The following ZBTB49 variants were observed in gnomAD, a reference collection of about 807,000 sequenced individuals.
The protein encoded by ZBTB49 is zinc finger and BTB domain-containing protein 49.
ZBTB49 carries 43 observed loss-of-function variants against 57.5 expected under a neutral mutation model. The ratio of observed to expected loss-of-function variants is 0.75; its 90% CI spans 0.59 to 0.97. The LOEUF is 0.97. ZBTB49 is among the 50% of genes least tolerant of loss of function. The pLI is 0.00. For missense variants in ZBTB49, 938 were observed against 947.7 expected (o/e 0.99, Z 0.13); for synonymous variants, 369 against 362.1 (o/e 1.02, Z -0.22).
chr4:4,320,696 G>A lies in ZBTB49; in HGVS notation c.1678G>A (p.Glu560Lys). Residue 560 changes from glutamate to lysine, a missense_variant, in exon 8 of 8, where the codon GAG (glutamate) becomes AAG (lysine). Coordinates refer to ENST00000337872, the MANE Select transcript of ZBTB49 (RefSeq NM_145291.4). Reference protein sequence around the residue: ...LRRHVRTHTGEKPYTCEICNK... With the variant: ...LRRHVRTHTGKKPYTCEICNK... ...CAGGCATGTCCGCACTCACACTGGG[G>A]AGAAGCCGTACACATGTGAGATCTG... 4 of 1,614,212 alleles carry A rather than the reference G, an allele frequency of 2.5e-6. No individual in the cohort carries two copies. The highest frequency in any genetic ancestry group is 3.4e-6 in the Non-Finnish European group (4 of 1,180,038).
Position 4,321,351 on chromosome 4 carries a change from C to G in ZBTB49, c.*35C>G, listed in dbSNP as rs200516989. ...CTTCTCCACGGTAGAGGCGTGTTCT[C>G]AGTTTAGCAGGCTGGTGTTAAGGCT... On this transcript the variant is annotated 3_prime_UTR_variant, in exon 8 of 8. Transcript: ENST00000337872. The G allele has an allele frequency of 1.3e-6, 2 of 1,594,890 alleles. No homozygotes were observed. The highest frequency in any genetic ancestry group is 1.7e-6 in the Non-Finnish European group (2 of 1,175,870).
intron 4 of ZBTB49, among the ~76,000 whole-genome samples, chr4:4,311,418 AT>A (rs1327304015): frequency 6.6e-6 from 1 of 152,214 alleles, no homozygotes; most frequent in Non-Finnish European, 1.5e-5. Flanking sequence ...CTGGTGTATT[AT>A]TTTTAACTCT....
In ZBTB49 at chr4:4,321,363, C is replaced by G; in HGVS notation, c.*47C>G. Reference sequence around the variant, plus strand: ...AGAGGCGTGTTCTCAGTTTAGCAGGCTGGTGTTAAGGCTGTAGGAGGACCC... The same window carrying G: ...AGAGGCGTGTTCTCAGTTTAGCAGGGTGGTGTTAAGGCTGTAGGAGGACCC... On this transcript the variant is annotated 3_prime_UTR_variant, in exon 8 of 8. Coordinates refer to ENST00000337872, the MANE Select transcript of ZBTB49 (RefSeq NM_145291.4). 1 of 1,586,372 alleles carries G rather than the reference C, an allele frequency of 6.3e-7. No homozygotes were observed. The highest frequency in any genetic ancestry group is 1.7e-4 in the Middle Eastern group (1 of 5,948).
intron 1 of ZBTB49, among the ~76,000 whole-genome samples, chr4:4,292,490 G>T (rs2916431): frequency 0.23 from 35,476 of 152,070 alleles, 4,962 homozygotes; most frequent in Admixed American, 0.32. Flanking sequence ...CATCTGTTCC[G>T]TTTGTCAGCA....
chr4:4,318,078 C>G (rs527275616), intron 7 of ZBTB49, among the ~76,000 whole-genome samples: 1 of 152,350 alleles, frequency 6.6e-6, no homozygotes, highest in African/African-American at 2.4e-5. Context: ...CGCCTGTCCC[C>G]TACTAGACCT....
intron 1 of ZBTB49, among the ~76,000 whole-genome samples, 178 bp from the exon 2 acceptor site, chr4:4,299,749 C>T (rs1424194835): frequency 6.6e-6 from 1 of 150,568 alleles, no homozygotes; most frequent in East Asian, 1.9e-4. Context: ...TGTTGAACAG[C>T]AGCGGTCTAG....
intron 4 of ZBTB49, among the ~76,000 whole-genome samples, chr4:4,310,913 T>G (rs1720960760): frequency 1.3e-5 from 2 of 152,076 alleles, no homozygotes; most frequent in African/African-American, 4.8e-5. Flanking sequence ...ATATCAAAAG[T>G]TTACCAAAAA....
chr4:4,302,998 A>C lies in ZBTB49; in HGVS notation c.1162A>C (p.Thr388Pro). Residue 388 changes from threonine to proline, a missense_variant, in exon 3 of 8, where the codon ACA (threonine) becomes CCA (proline). Thr to Pro is a conservative substitution (Grantham distance 38). Coordinates refer to ENST00000337872, the MANE Select transcript of ZBTB49 (RefSeq NM_145291.4). Reference sequence around the variant, plus strand: ...GGCTGCCCTGGAAGACCAGTCCCAGACACTTCAGTCCCAGAGACAATACGC... The same window carrying C: ...GGCTGCCCTGGAAGACCAGTCCCAGCCACTTCAGTCCCAGAGACAATACGC... ...DPAALEDQSQ[T>P]LQSQRQYACE... 1 of 1,614,250 alleles carries C rather than the reference A, an allele frequency of 6.2e-7. No homozygotes were observed. The highest frequency in any genetic ancestry group is 2.2e-5 in the East Asian group (1 of 44,890).
At chr4:4,319,384 C>A (rs1721316696) in intron 7 of ZBTB49, among the ~76,000 whole-genome samples, 1 of 152,220 alleles carries the variant, frequency 6.6e-6, no homozygotes, top group African/African-American at 2.4e-5. Flanking sequence ...TCATTCTTGG[C>A]TAGTCTGTGG....
intron 4 of ZBTB49, among the ~76,000 whole-genome samples, chr4:4,308,352 C>T (rs931098752): frequency 6.6e-6 from 1 of 152,182 alleles, no homozygotes; most frequent in African/African-American, 2.4e-5. Flanking sequence ...GCTGGGATTA[C>T]AGGCGTGAGC....
At chr4:4,300,855 C>T (rs949779507) in intron 2 of ZBTB49, among the ~76,000 whole-genome samples, 6 of 151,342 alleles carry the variant, frequency 4.0e-5, no homozygotes, top group Non-Finnish European at 8.8e-5. Context: ...GTTTCTCTCT[C>T]TTTAAATACA....
intron 3 of ZBTB49, among the ~76,000 whole-genome samples, chr4:4,303,944 G>C (rs543589260): frequency 6.6e-6 from 1 of 152,198 alleles, no homozygotes; most frequent in Admixed American, 6.5e-5. Flanking sequence ...CACAGCAGCT[G>C]CTTTTACGGT....
intron 3 of ZBTB49, among the ~76,000 whole-genome samples, chr4:4,305,606 AAAATG>A (rs1196660302): frequency 6.6e-6 from 1 of 152,246 alleles, no homozygotes; most frequent in African/African-American, 2.4e-5. Context: ...CACATCTCCC[AAAATG>A]AAATCTTACT....
chr4:4,291,681 T>C (rs1300140202), intron 1 of ZBTB49, among the ~76,000 whole-genome samples: 1 of 152,236 alleles, frequency 6.6e-6, no homozygotes, highest in Non-Finnish European at 1.5e-5. Context: ...TGGTTGTTGT[T>C]GTTTGTTTGT....
At chr4:4,314,592 A>C (rs1405337241) in intron 5 of ZBTB49, among the ~76,000 whole-genome samples, 1 of 152,136 alleles carries the variant, frequency 6.6e-6, no homozygotes, top group Non-Finnish European at 1.5e-5. Context: ...GGCCAGTCTC[A>C]AACTCCTGAC....
chr4:4,313,216 A>T (rs1032862840), intron 5 of ZBTB49, 102 bp downstream of exon 5: 61 of 1,319,642 alleles, frequency 4.6e-5, no homozygotes, highest in Non-Finnish European at 6.2e-5. Context: ...GATGAGCCAC[A>T]GGTGGGCTCA....
intron 4 of ZBTB49, among the ~76,000 whole-genome samples, chr4:4,309,780 G>A (rs1210343093): frequency 6.6e-6 from 1 of 152,218 alleles, no homozygotes; most frequent in Non-Finnish European, 1.5e-5. Context: ...CACTTAGTGA[G>A]CTTGGCCCAA....
chr4:4,293,192 A>G (rs1241617674), intron 1 of ZBTB49, among the ~76,000 whole-genome samples: 1 of 152,206 alleles, frequency 6.6e-6, no homozygotes, highest in Non-Finnish European at 1.5e-5. Flanking sequence ...TACATTGTTC[A>G]ATAAGACAGA....
chr4:4,311,816 T>G (rs1467106181), intron 4 of ZBTB49, among the ~76,000 whole-genome samples: 2 of 152,228 alleles, frequency 1.3e-5, no homozygotes, highest in Non-Finnish European at 2.9e-5. Context: ...TTGTTGAAAA[T>G]AAACTTGAGT....
Sources: allele counts gnomAD v4.1 joint callset (sites outside exome capture counted in the v4.1 genomes callset), GRCh38; gene constraint gnomAD v4.1.1; transcripts MANE v1.5; gene names NCBI Gene and HGNC (gene_info 2026-07-23, HGNC 2026-07-21).